TOGARAM2: variants seen among roughly 807,000 people sequenced by gnomAD.
TOGARAM2 encodes TOG array regulator of axonemal microtubules 2, also known as TOG array regulator of axonemal microtubules protein 2.
In TOGARAM2, 85 loss-of-function variants were observed where a neutral mutation model predicts 93.3. That is an observed-to-expected ratio of 0.91 (90% confidence interval 0.76 to 1.09). TOGARAM2 has a LOEUF of 1.09. TOGARAM2 is among the 50% of genes least tolerant of loss of function. The probability of loss-of-function intolerance (pLI) is 0.00; values close to 1 mark genes in which losing one functional copy is unlikely to be tolerated. For synonymous variants in TOGARAM2, 593 were observed against 552.8 expected (o/e 1.07, Z -1.02); for missense variants, 1,277 against 1,334.5 (o/e 0.96, Z 0.67).
At chr2:28,958,838 C>T (rs1010083676) in intron 1 of TOGARAM2, among the ~76,000 whole-genome samples, 5 of 152,188 alleles carry the variant, frequency 3.3e-5, no homozygotes, top group African/African-American at 9.7e-5. Flanking sequence ...TTCTTTTTAT[C>T]CCAGCCTTCT....
intron 18 of TOGARAM2, 92 bp downstream of exon 18, chr2:29,036,849 C>A: frequency 7.8e-7 from 1 of 1,288,526 alleles, no homozygotes; most frequent in Non-Finnish European, 1.1e-6. Context: ...TTGGTTGGTT[C>A]CCAGGCCAGA....
chr2:28,958,750 A>T (rs1252719266), intron 1 of TOGARAM2, among the ~76,000 whole-genome samples: 1 of 152,146 alleles, frequency 6.6e-6, no homozygotes, highest in East Asian at 1.9e-4. Flanking sequence ...TGTCCAGGTT[A>T]CTTTCTCTGG....
intron 4 of TOGARAM2, among the ~76,000 whole-genome samples, chr2:29,000,929 G>A (rs1396223558): frequency 6.6e-6 from 1 of 152,230 alleles, no homozygotes; most frequent in African/African-American, 2.4e-5. Context: ...GGGGCTTGAA[G>A]CCCTTTTCTA....
chr2:29,041,460 G>A (rs55676431), intron 18 of TOGARAM2, among the ~76,000 whole-genome samples: 60,332 of 152,062 alleles, frequency 0.4, 12,430 homozygotes, highest in South Asian at 0.46. Flanking sequence ...TAAAACCAGC[G>A]CGTCATAACT....
intron 1 of TOGARAM2, among the ~76,000 whole-genome samples, chr2:28,972,029 T>C (rs578076388): frequency 8.2e-4 from 125 of 152,302 alleles, no homozygotes; most frequent in African/African-American, 2.8e-3. Flanking sequence ...ACACAGTGTA[T>C]ATTAAAGGCC....
At chr2:28,986,227 T>C (rs1340801475) in intron 1 of TOGARAM2, among the ~76,000 whole-genome samples, 1 of 152,096 alleles carries the variant, frequency 6.6e-6, no homozygotes, top group African/African-American at 2.4e-5. Context: ...ACTTATCTCA[T>C]TGTTTTTCAA....
chr2:28,959,663 A>C (rs1025033752), intron 1 of TOGARAM2, among the ~76,000 whole-genome samples: 14 of 152,176 alleles, frequency 9.2e-5, no homozygotes, highest in African/African-American at 2.9e-4. Flanking sequence ...TGAGGCAGTG[A>C]ACCTGGGAGG....
At position 28,957,832 on chromosome 2, in the gene TOGARAM2, T is replaced by G. The variant is rs1026393213; in HGVS notation, c.-147+1135T>G. ...CTTCAATAGGAGAGGTGTTTTTTTG[T>G]TTTTGTTTTTTTGCCACTCTCTCAC... On this transcript the variant is annotated intron_variant, in intron 1 of 6. Transcript: ENST00000401723. 3.3e-5 allele frequency among the ~76,000 whole-genome samples: 5 copies of G among 152,098 alleles called. No individual in the cohort carries two copies. The East Asian group carries it at 9.7e-4, about 29-fold the overall frequency.
intron 1 of TOGARAM2, among the ~76,000 whole-genome samples, chr2:28,961,413 C>T (rs894904188): frequency 1.3e-4 from 20 of 152,156 alleles, no homozygotes; most frequent in Non-Finnish European, 2.8e-4. Flanking sequence ...GCAAACTCGG[C>T]TCACAGCAAC....
At chr2:29,035,390 G>A in intron 16 of TOGARAM2, 74 bp from the exon 17 acceptor site, 2 of 1,243,036 alleles carry the variant, frequency 1.6e-6, no homozygotes, top group East Asian at 6.2e-5. Flanking sequence ...TGTAGGAGGT[G>A]GCATGGGACC....
rs199864056 is a variant in TOGARAM2, at chr2:29,006,080, C to CGTGT, written c.830+2408_830+2411dup. Among the ~76,000 whole-genome samples, 994 of 126,588 alleles carry CGTGT rather than the reference C, an allele frequency of 7.9e-3. 7 individuals carry two copies. The highest frequency in any genetic ancestry group is 0.01 in the Non-Finnish European group (629 of 62,262). 83.0% of individuals were successfully genotyped at this position (126,588 alleles called of 152,430 possible). Reference sequence around the variant, plus strand: ...GTGTGTATGTGTATGTGTGAGAGCACGTGTGTGTGTGTGGGGTGCATGTGT... The same window carrying CGTGT: ...GTGTGTATGTGTATGTGTGAGAGCACGTGTGTGTGTGTGTGTGGGGTGCATGTGT... On this transcript the variant is annotated intron_variant, in intron 6 of 19. Transcript: ENST00000379558.
In TOGARAM2 at chr2:29,014,302, G is replaced by T. The variant is rs367877987; in HGVS notation, c.878-93G>T. On this transcript the variant is annotated intron_variant, in intron 7 of 19. Coordinates refer to ENST00000379558, the MANE Select transcript of TOGARAM2 (RefSeq NM_199280.4). ...CCATTGAGGAAGAATTGAGGGTGTG[G>T]GGCTTAGCAGTAGAATTGAGCCAGC... 74 of 1,430,158 alleles carry T rather than the reference G, an allele frequency of 5.2e-5. No individual in the cohort carries two copies. The African/African-American group carries it at 1.0e-3, about 20-fold the overall frequency. The allele number at this position is 1,430,158 out of a possible 1,614,324, so 88.6% of individuals were successfully genotyped here.
At position 29,051,912 on chromosome 2, in the gene TOGARAM2, T is replaced by A. The variant is rs1368817149; in HGVS notation, c.2879T>A (p.Leu960His). Residue 960 changes from leucine (L) to histidine (H), a missense_variant, in exon 20 of 20, where the codon CTC (leucine) becomes CAC (histidine). Coordinates refer to ENST00000379558, the MANE Select transcript of TOGARAM2 (RefSeq NM_199280.4). ...RGVVCRLSRS[L>H]QEHMGSRLLD... The stretch of plus-strand genomic sequence containing the variant: ...GTGGTGTGCCGGCTGTCCAGGAGCC[T>A]CCAGGAGCACATGGGCTCCCGCCTG... 1 of 1,591,970 alleles carries A rather than the reference T, an allele frequency of 6.3e-7. No individual in the cohort carries two copies. Among genetic ancestry groups the A allele is most frequent in the Admixed American group, 1.8e-5 (1 of 56,358 alleles).
At chr2:28,997,913 C>A (rs1673074708) in intron 2 of TOGARAM2, among the ~76,000 whole-genome samples, 1 of 152,082 alleles carries the variant, frequency 6.6e-6, no homozygotes, top group South Asian at 2.1e-4. Flanking sequence ...GGCAGCCAGG[C>A]TGAGAGGCTG....
At chr2:29,051,455 G>A (rs188761241) in intron 19 of TOGARAM2, 39 of 230,098 alleles carry the variant, frequency 1.7e-4, no homozygotes, top group African/African-American at 8.5e-4. Flanking sequence ...ATGATTGTCA[G>A]AGATTCTGCA....
At chr2:29,015,277 G>A (rs189321868) in intron 8 of TOGARAM2, among the ~76,000 whole-genome samples, 6 of 152,270 alleles carry the variant, frequency 3.9e-5, no homozygotes, top group African/African-American at 7.2e-5. Flanking sequence ...GCAGCGAAAC[G>A]AGCTGATCCT....
In TOGARAM2 at chr2:28,984,940, G is replaced by T. The variant is rs186593978; in HGVS notation, c.-111+3402G>T. ...AGCTTTCCTCCCAGTCCTGCTGAAG[G>T]CCTTGCCAGCTGGCAGCCAGTGTGA... On this transcript the variant is annotated intron_variant, in intron 1 of 19. Transcript: ENST00000379558. Among the ~76,000 whole-genome samples the T allele has an allele frequency of 2.0e-3, 301 of 152,320 alleles. 3 individuals are homozygous for T. Among genetic ancestry groups the T allele is most frequent in the Non-Finnish European group, 3.3e-3 (223 of 68,024 alleles).
intron 6 of TOGARAM2, among the ~76,000 whole-genome samples, chr2:29,006,354 G>GTGT: frequency 7.5e-6 from 1 of 133,410 alleles, no homozygotes; most frequent in African/African-American, 3.4e-5. Flanking sequence ...GTGTATGTGT[G>GTGT]AGTGCATGTG....
intron 18 of TOGARAM2, among the ~76,000 whole-genome samples, chr2:29,044,372 G>C (rs1256715629): frequency 1.3e-5 from 2 of 152,214 alleles, no homozygotes; most frequent in African/African-American, 2.4e-5. Context: ...GGCCAGGGCA[G>C]TGAGGTCATA....
Sources: gnomAD v4.1 joint callset for allele counts (sites outside exome capture counted in the v4.1 genomes callset) on GRCh38, gnomAD v4.1.1 for gene constraint, MANE v1.5 for transcripts, NCBI Gene and HGNC (gene_info 2026-07-23, HGNC 2026-07-21) for gene names.